Variants in CFAP99 observed in about 807,000 individuals in gnomAD.
The protein encoded by CFAP99 is cilia- and flagella-associated protein 99.
Under a neutral mutation model 82.7 loss-of-function variants are expected in CFAP99, and 84 were observed. The observed-to-expected ratio is 1.02, with a 90% CI of 0.85 to 1.22. The LOEUF is 1.22. Among genes scored for constraint, CFAP99 ranks in the 50% most tolerant of loss-of-function variants. The probability of loss-of-function intolerance (pLI) is 0.00; values close to 1 mark genes in which losing one functional copy is unlikely to be tolerated. For missense variants in CFAP99, 1,059 were observed against 983.5 expected, an observed-to-expected ratio of 1.08 and a Z score of -1.03; for synonymous variants, 456 against 429.5, an observed-to-expected ratio of 1.06 and a Z score of -0.76.
intron 2 of CFAP99, chr4:2,428,943 T>G (rs1213699721): frequency 6.6e-6 from 1 of 152,340 alleles, no homozygotes; most frequent in African/African-American, 2.4e-5. Context: ...GAGCTGCTGA[T>G]CCGGGCATCC....
chr4:2,460,229 T>C, exon 14 of CFAP99: 1 of 1,535,924 alleles, frequency 6.5e-7, no homozygotes, highest in East Asian at 2.4e-5. Context: ...CATGGGGAGA[T>C]CCGCAGCCTT....
intron 1 of CFAP99, among the ~76,000 whole-genome samples, chr4:2,424,240 G>A (rs112136442): frequency 7.5e-4 from 115 of 152,322 alleles, no homozygotes; most frequent in Non-Finnish European, 1.2e-3. Context: ...CCAACATGGC[G>A]AAATCCTGTC....
chr4:2,435,511 G>A (rs572267846), intron 2 of CFAP99, among the ~76,000 whole-genome samples: 2 of 151,980 alleles, frequency 1.3e-5, no homozygotes, highest in South Asian at 2.1e-4. Flanking sequence ...TAAGAAAAAT[G>A]TTATCCCAAT....
chr4:2,423,461 C>A (rs1019305883), intron 1 of CFAP99, among the ~76,000 whole-genome samples: 1 of 152,226 alleles, frequency 6.6e-6, no homozygotes, highest in Non-Finnish European at 1.5e-5. Context: ...TTTCTGCTCA[C>A]AGCTGTTGAA....
intron 11 of CFAP99, among the ~76,000 whole-genome samples, chr4:2,457,461 T>A (rs1461147293): frequency 6.6e-6 from 1 of 152,164 alleles, no homozygotes; most frequent in African/African-American, 2.4e-5. Flanking sequence ...GAGGAGGGGA[T>A]GTGTGGGAAA....
intron 2 of CFAP99, among the ~76,000 whole-genome samples, chr4:2,433,029 C>CTGTGAATAGG (rs1733830178): frequency 6.7e-6 from 1 of 148,786 alleles, no homozygotes; most frequent in Non-Finnish European, 1.5e-5. Context: ...CACCACGTGT[C>CTGTGAATAGG]CTGGCAGCCG....
At chr4:2,460,346 T>C (rs1578485408) in intron 14 of CFAP99, 104 bp downstream of exon 14, 1 of 1,024,434 alleles carries the variant, frequency 9.8e-7, no homozygotes. Context: ...ACCACCACCC[T>C]CCTGCCCAGG....
chr4:2,461,622 A>C (rs1488897417), intron 14 of CFAP99, among the ~76,000 whole-genome samples: 1 of 152,176 alleles, frequency 6.6e-6, no homozygotes, highest in African/African-American at 2.4e-5. Flanking sequence ...GTGCCTCCAA[A>C]GGTCTACCTC....
At chr4:2,452,621 A>G (rs557552717) in intron 11 of CFAP99, among the ~76,000 whole-genome samples, 1 of 152,254 alleles carries the variant, frequency 6.6e-6, no homozygotes, top group South Asian at 2.1e-4. Flanking sequence ...GCCGGCCTGT[A>G]TACTCTCTCC....
rs1205406199 is a variant in CFAP99, at chr4:2,448,167, G to A, written c.643-1503G>A. On this transcript the variant is annotated intron_variant, in intron 6 of 14. Transcript: ENST00000635017. This position sits in a 1 kb window ranked among gnomAD's most constrained non-coding sequence, Gnocchi z 5.2. ...ATGGATGATCAGAGACCTTGTTGCTGAGCAACCCCACAGTTGCCCCATCTG... is the reference window on the plus strand; with the variant it reads ...ATGGATGATCAGAGACCTTGTTGCTAAGCAACCCCACAGTTGCCCCATCTG... 2.0e-5 allele frequency among the ~76,000 whole-genome samples: 3 copies of A among 152,152 alleles called. No individual in the cohort carries two copies. The highest frequency in any genetic ancestry group is 2.1e-4 in the South Asian group (1 of 4,830).
intron 4 of CFAP99, among the ~76,000 whole-genome samples, chr4:2,441,949 C>T (rs1734051312): frequency 6.6e-6 from 1 of 152,184 alleles, no homozygotes; most frequent in African/African-American, 2.4e-5. Flanking sequence ...CCCTGAGACA[C>T]CTGTAGGGGG....
intron 13 of CFAP99, among the ~76,000 whole-genome samples, chr4:2,459,735 G>A (rs1734567792): frequency 6.6e-6 from 1 of 152,226 alleles, no homozygotes; most frequent in Non-Finnish European, 1.5e-5. Flanking sequence ...GAGGCCATGG[G>A]GAGTGCAAAC....
exon 3 of CFAP99, chr4:2,436,914 T>C: frequency 6.5e-7 from 1 of 1,536,074 alleles, no homozygotes; most frequent in Non-Finnish European, 8.7e-7. Context: ...TTGGAGGTTC[T>C]GTCTGGGTGC....
chr4:2,460,478 T>C (rs1456562682), intron 14 of CFAP99, among the ~76,000 whole-genome samples: 1 of 152,206 alleles, frequency 6.6e-6, no homozygotes, highest in East Asian at 1.9e-4. Flanking sequence ...GCAGTCATTT[T>C]TGCACCCAGC....
At chr4:2,443,800 G>A (rs924613007) in intron 5 of CFAP99, among the ~76,000 whole-genome samples, 1 of 152,204 alleles carries the variant, frequency 6.6e-6, no homozygotes, top group Non-Finnish European at 1.5e-5. Flanking sequence ...TCCCCAGCAG[G>A]CCTGGGGCAA....
Position 2,441,196 on chromosome 4 carries a change from C to T in CFAP99, c.352-1934C>T, listed in dbSNP as rs180701715. Among the ~76,000 whole-genome samples the T allele has an allele frequency of 6.9e-3, 1,048 of 151,736 alleles. 11 individuals carry two copies. The highest frequency in any genetic ancestry group is 0.024 in the African/African-American group (999 of 41,416). On this transcript the variant is annotated intron_variant, in intron 4 of 14. Transcript: ENST00000635017. ...GACCAGCCTGACCAACACGGTGAAA[C>T]CCCGTCTCTATTAAAAATAGAAAAA...
At chr4:2,434,650 C>A (rs1733872828) in intron 2 of CFAP99, among the ~76,000 whole-genome samples, 1 of 152,198 alleles carries the variant, frequency 6.6e-6, no homozygotes, top group African/African-American at 2.4e-5. Flanking sequence ...GTGGGACAGG[C>A]AGGGGCGAGC....
At chr4:2,431,694 C>T (rs1354937466) in intron 2 of CFAP99, among the ~76,000 whole-genome samples, 1 of 151,954 alleles carries the variant, frequency 6.6e-6, no homozygotes, top group East Asian at 1.9e-4. Flanking sequence ...CATGTGCGGG[C>T]AAAAATTATT....
In CFAP99 at chr4:2,432,882, C is replaced by T. The variant is rs1331692425; in HGVS notation, c.112-3992C>T. On this transcript the variant is annotated intron_variant, in intron 2 of 14. Coordinates refer to ENST00000635017, the Ensembl canonical transcript of CFAP99. ...GTAGCAAGGGCCTCTCCTGCCTCCT[C>T]TGGGAGAGAGAACCCACCCGGCCTA... is the stretch of plus-strand genomic sequence containing the variant. Among the ~76,000 whole-genome samples, 3 of 152,246 alleles carry T rather than the reference C, an allele frequency of 2.0e-5. No individual in the cohort carries two copies. The East Asian group carries it at 5.8e-4, about 29-fold the overall frequency.
Sources: allele counts gnomAD v4.1 joint callset (sites outside exome capture counted in the v4.1 genomes callset), GRCh38; gene constraint gnomAD v4.1.1; non-coding constraint Gnocchi (gnomAD v3.1); transcripts MANE v1.5; gene names NCBI Gene and HGNC (gene_info 2026-07-23, HGNC 2026-07-21).